Variants in KCNN2 observed in about 807,000 individuals in gnomAD.
The protein encoded by KCNN2 is potassium calcium-activated channel subfamily N member 2, also known as small conductance calcium-activated potassium channel protein 2.
A neutral mutation model predicts 55.5 loss-of-function variants in KCNN2; 24 were observed. The ratio of observed to expected loss-of-function variants is 0.43; its 90% CI spans 0.31 to 0.61. KCNN2 has a LOEUF of 0.61. Ranked by LOEUF, KCNN2 falls within the 20% of genes least tolerant of loss-of-function variation. The pLI, the probability that KCNN2 is intolerant of heterozygous loss-of-function variation, is 0.08. For missense variants in KCNN2, 754 were observed against 853.6 expected, an observed-to-expected ratio of 0.88 and a Z score of 1.45; for synonymous variants, 431 against 336.1, an observed-to-expected ratio of 1.28 and a Z score of -3.09.
At chr5:114,071,527 G>T (rs1440415335) in intron 1 of KCNN2, among the ~76,000 whole-genome samples, 1 of 152,152 alleles carries the variant, frequency 6.6e-6, no homozygotes, top group Non-Finnish European at 1.5e-5. Context: ...ACTACAAGGG[G>T]ACTGAAATAA....
intron 2 of KCNN2, among the ~76,000 whole-genome samples, chr5:114,292,798 C>T (rs868619978): frequency 1.8e-4 from 28 of 152,116 alleles, no homozygotes; most frequent in Admixed American, 1.2e-3. Flanking sequence ...GCCATTTTCA[C>T]GATATTGATT....
intron 2 of KCNN2, among the ~76,000 whole-genome samples, chr5:114,370,529 G>C (rs553583218): frequency 6.6e-6 from 1 of 152,132 alleles, no homozygotes; most frequent in Non-Finnish European, 1.5e-5. Flanking sequence ...AGAAAGTTGG[G>C]AGGCAACAGT....
intron 2 of KCNN2, among the ~76,000 whole-genome samples, chr5:114,354,187 G>A (rs1052719013): frequency 5.9e-5 from 9 of 151,524 alleles, no homozygotes; most frequent in African/African-American, 1.9e-4. Context: ...TTTTCTGCTG[G>A]CTCAAATTTA....
At chr5:114,279,749 G>A (rs569055196) in intron 2 of KCNN2, among the ~76,000 whole-genome samples, 23 of 151,626 alleles carry the variant, frequency 1.5e-4, no homozygotes, top group Middle Eastern at 3.4e-3. Context: ...GAATAGTGCC[G>A]CAATAAACAT....
chr5:114,413,040 T>C (rs1286246679), intron 3 of KCNN2, among the ~76,000 whole-genome samples: 5 of 152,348 alleles, frequency 3.3e-5, no homozygotes, highest in East Asian at 1.9e-4. Flanking sequence ...CATACAGATA[T>C]AGCATTTTCA....
At chr5:114,464,113 C>G (rs1013319603) in intron 4 of KCNN2, among the ~76,000 whole-genome samples, 3 of 152,116 alleles carry the variant, frequency 2.0e-5, no homozygotes, top group African/African-American at 7.2e-5. Flanking sequence ...GCTCAGACAT[C>G]TTTTTTGCCC....
intron 1 of KCNN2, among the ~76,000 whole-genome samples, chr5:114,156,054 T>C (rs1752627147): frequency 6.6e-6 from 1 of 152,204 alleles, no homozygotes; most frequent in Non-Finnish European, 1.5e-5. Flanking sequence ...ACTTAATTTT[T>C]GTATATGATG....
intron 3 of KCNN2, among the ~76,000 whole-genome samples, chr5:114,425,392 C>A (rs1759590553): frequency 6.6e-6 from 1 of 152,176 alleles, no homozygotes; most frequent in Non-Finnish European, 1.5e-5. Flanking sequence ...CTGGACACCT[C>A]CTACTACTTT....
chr5:114,362,539 A>G lies in KCNN2; in HGVS notation c.400A>G (p.Ser134Gly). The change falls in exon 1 of 8, where the codon AGC becomes GGC. Residue 134 changes from serine (S) to glycine (G), a missense_variant. By Grantham distance (56) the Ser-to-Gly change is moderately conservative. Coordinates refer to ENST00000673685, the MANE Select transcript of KCNN2 (RefSeq NM_021614.4). ...QLNVSELTPS[S>G]HASALRQQYA... Reference sequence around the variant, plus strand: ...CAATGTGAGCGAGCTGACGCCGTCCAGCCATGCCAGTGCGCTCCGGCAGCA... The same window carrying G: ...CAATGTGAGCGAGCTGACGCCGTCCGGCCATGCCAGTGCGCTCCGGCAGCA... The G allele has an allele frequency of 1.8e-6, 1 of 568,170 alleles. No homozygotes were observed. Among genetic ancestry groups the G allele is most frequent in the Non-Finnish European group, 3.0e-6 (1 of 336,374 alleles). 35.2% of individuals were successfully genotyped at this position (568,170 alleles called of 1,614,324 possible). A position where few individuals can be genotyped will look rare whatever the true frequency, so the allele number is the denominator to read the frequency against.
intron 2 of KCNN2, among the ~76,000 whole-genome samples, chr5:114,293,505 C>A (rs1755940297): frequency 6.6e-6 from 1 of 152,132 alleles, no homozygotes; most frequent in South Asian, 2.1e-4. Flanking sequence ...TATTGATTTT[C>A]ATATGTTGAA....
chr5:114,408,871 G>A (rs997251648), intron 3 of KCNN2, among the ~76,000 whole-genome samples: 1 of 152,200 alleles, frequency 6.6e-6, no homozygotes, highest in African/African-American at 2.4e-5. Flanking sequence ...CCCCAAGTCT[G>A]TGTGTTTTTT....
intron 1 of KCNN2, among the ~76,000 whole-genome samples, chr5:114,157,934 T>G (rs1752674948): frequency 6.6e-6 from 1 of 151,834 alleles, no homozygotes; most frequent in South Asian, 2.1e-4. Context: ...TTGCAAAAAT[T>G]TTCTCCCATT....
intron 4 of KCNN2, among the ~76,000 whole-genome samples, chr5:114,467,349 G>A (rs187555284): frequency 4.6e-5 from 7 of 152,268 alleles, no homozygotes; most frequent in Admixed American, 3.9e-4. Flanking sequence ...TAGAAATCCT[G>A]CAAAACTGAT....
intron 1 of KCNN2, among the ~76,000 whole-genome samples, chr5:114,185,474 G>A (rs563257719): frequency 2.0e-5 from 3 of 152,204 alleles, no homozygotes; most frequent in Non-Finnish European, 2.9e-5. Flanking sequence ...GCAGGGAGGA[G>A]CCCGGCCTCT....
chr5:114,220,568 A>T (rs1370813023), intron 1 of KCNN2, among the ~76,000 whole-genome samples: 1 of 152,180 alleles, frequency 6.6e-6, no homozygotes, highest in South Asian at 2.1e-4. Context: ...GAAAGGAATT[A>T]TGAAATACAA....
In KCNN2 at chr5:114,202,167, C is replaced by T. The variant is rs568619313; in HGVS notation, c.-270-19313C>T. Among the ~76,000 whole-genome samples the T allele has an allele frequency of 9.9e-5, 15 of 152,130 alleles. No individual in the cohort carries two copies. In the South Asian group the frequency reaches 2.9e-3, roughly 29 times the overall value. On this transcript the variant is annotated intron_variant, in intron 1 of 10. Transcript: ENST00000512097. ...GGGCTGTCAAAGTGGTGCCCAGCTG[C>T]GGCTGCTCCAGGGTTGGATGCCTGT...
rs1561537246 is a variant in KCNN2 at position 114,241,804 on chromosome 5, A to ATATGTG, written c.-185+20239_-185+20240insTATGTG. ...TATACGTATATATATGTATATATAT[A>ATATGTG]CGTATATATATATATGTGTGTATAT... is the stretch of plus-strand genomic sequence containing the variant. On this transcript the variant is annotated intron_variant, in intron 2 of 10. Transcript: ENST00000512097. Among the ~76,000 whole-genome samples, 10 of 22,968 alleles carry ATATGTG rather than the reference A, an allele frequency of 4.4e-4. 1 individual carries two copies. The highest frequency in any genetic ancestry group is 1.4e-3 in the African/African-American group (9 of 6,222). 15.1% of individuals were successfully genotyped at this position (22,968 alleles called of 152,430 possible).
At chr5:114,223,732 T>A (rs988578363) in intron 2 of KCNN2, among the ~76,000 whole-genome samples, 6 of 152,072 alleles carry the variant, frequency 3.9e-5, no homozygotes, top group Non-Finnish European at 8.8e-5. Flanking sequence ...TAGGGTTGGT[T>A]TTTAAAGTTT....
intron 2 of KCNN2, among the ~76,000 whole-genome samples, chr5:114,314,549 T>A (rs1359978825): frequency 6.6e-6 from 1 of 152,176 alleles, no homozygotes; most frequent in Non-Finnish European, 1.5e-5. Flanking sequence ...ATTTCTCATA[T>A]AACTTTTCAC....
Sources: gnomAD v4.1 joint callset for allele counts (sites outside exome capture counted in the v4.1 genomes callset) on GRCh38, gnomAD v4.1.1 for gene constraint, MANE v1.5 for transcripts, NCBI Gene and HGNC (gene_info 2026-07-23, HGNC 2026-07-21) for gene names.